ARHGAP28: variants seen among roughly 807,000 people sequenced by gnomAD.
ARHGAP28 encodes rho GTPase-activating protein 28.
ARHGAP28 carries 56 observed loss-of-function variants against 90.7 expected under a neutral mutation model. The ratio of observed to expected loss-of-function variants is 0.62; its 90% CI spans 0.50 to 0.77. The LOEUF (loss-of-function observed/expected upper bound fraction) is 0.77, where lower values mean the gene tolerates loss of function less well. ARHGAP28 is among the 30% of genes least tolerant of loss of function. The probability of loss-of-function intolerance (pLI) is 0.00; values close to 1 mark genes in which losing one functional copy is unlikely to be tolerated. For missense variants in ARHGAP28, 869 were observed against 900.9 expected (o/e 0.96, Z 0.45); for synonymous variants, 308 against 323.3 (o/e 0.95, Z 0.51).
At chr18:6,759,876 G>T (rs1337036462) in intron 1 of ARHGAP28, among the ~76,000 whole-genome samples, 5 of 152,126 alleles carry the variant, frequency 3.3e-5, no homozygotes, top group Admixed American at 6.6e-5. Flanking sequence ...TTTTCAGAAG[G>T]CACTTCATTT....
At chr18:6,861,355 T>C (rs537359253) in intron 5 of ARHGAP28, among the ~76,000 whole-genome samples, 3 of 152,226 alleles carry the variant, frequency 2.0e-5, no homozygotes, top group Non-Finnish European at 4.4e-5. Flanking sequence ...ATTGTTATCT[T>C]CTGTACTGCT....
Position 6,889,957 on chromosome 18 carries a change from T to G in ARHGAP28, c.1606T>G (p.Ser536Ala). 1 of 1,614,214 alleles carries G rather than the reference T, an allele frequency of 6.2e-7. No homozygotes were observed. The highest frequency in any genetic ancestry group is 1.3e-5 in the African/African-American group (1 of 75,062). ...AAACCGAATGAGTCTGTGGAACATT[T>G]CTACAGTGATGGCACCAAACCTTTT... ...SKNRMSLWNI[S>A]TVMAPNLFFS... is the part of the protein sequence containing the mutation. The change falls in exon 13 of 18, where the codon TCT becomes GCT. Residue 536 changes from serine (S) to alanine (A), a missense_variant. Transcript: ENST00000383472.
chr18:6,912,422 A>T lies in ARHGAP28; in HGVS notation c.*268A>T, dbSNP rs1308247495. 3 of 235,804 alleles carry T rather than the reference A, an allele frequency of 1.3e-5. No homozygotes were observed. The highest frequency in any genetic ancestry group is 6.7e-5 in the African/African-American group (3 of 44,614). The allele number at this position is 235,804 out of a possible 1,614,324, so 14.6% of individuals were successfully genotyped here. A position where few individuals can be genotyped will look rare whatever the true frequency, so the allele number is the denominator to read the frequency against. ...AAGAAAGACCAATCTAGAATATGGA[A>T]CTCTAATCACTTCTAGTATTTCAAC... On this transcript the variant is annotated 3_prime_UTR_variant, in exon 18 of 18. Transcript: ENST00000383472.
chr18:6,885,802 G>GTTTT (rs11415807), intron 11 of ARHGAP28, among the ~76,000 whole-genome samples: 2 of 141,712 alleles, frequency 1.4e-5, no homozygotes, highest in African/African-American at 5.2e-5. Flanking sequence ...CCCCAGAGTT[G>GTTTT]TTTTTTTTTT....
chr18:6,756,569 C>G (rs2056111672), intron 1 of ARHGAP28, among the ~76,000 whole-genome samples: 1 of 152,030 alleles, frequency 6.6e-6, no homozygotes, highest in Admixed American at 6.6e-5. Flanking sequence ...GGTGTATAGT[C>G]AGGGTTTTCT....
intron 1 of ARHGAP28, among the ~76,000 whole-genome samples, chr18:6,783,506 G>A (rs1280474628): frequency 6.9e-6 from 1 of 143,910 alleles, no homozygotes; most frequent in Non-Finnish European, 1.5e-5. Context: ...TCTCCATGTT[G>A]GTCAGGCTGG....
At chr18:6,757,255 A>G (rs2056118880) in intron 1 of ARHGAP28, among the ~76,000 whole-genome samples, 1 of 152,242 alleles carries the variant, frequency 6.6e-6, no homozygotes, top group African/African-American at 2.4e-5. Flanking sequence ...CACATGGTGA[A>G]GTTTGGAAAA....
intron 1 of ARHGAP28, among the ~76,000 whole-genome samples, chr18:6,823,625 T>C (rs1393873413): frequency 2.6e-5 from 4 of 151,420 alleles, no homozygotes; most frequent in African/African-American, 9.7e-5. Flanking sequence ...TTTTTTGGCT[T>C]TAAGAACATT....
intron 16 of ARHGAP28, among the ~76,000 whole-genome samples, chr18:6,906,092 A>G (rs1405293576): frequency 1.3e-5 from 2 of 152,148 alleles, no homozygotes; most frequent in African/African-American, 2.4e-5. Context: ...AAATATATTG[A>G]AAAAGAAAAA....
At chr18:6,765,739 A>G (rs1260887022) in intron 1 of ARHGAP28, among the ~76,000 whole-genome samples, 2 of 152,182 alleles carry the variant, frequency 1.3e-5, no homozygotes, top group African/African-American at 4.8e-5. Context: ...CTATTTTAAT[A>G]TAACCATTTA....
chr18:6,880,397 G>A (rs2057167855), intron 10 of ARHGAP28, among the ~76,000 whole-genome samples: 1 of 152,054 alleles, frequency 6.6e-6, no homozygotes, highest in Non-Finnish European at 1.5e-5. Context: ...TCATAACTGG[G>A]TTCTTTGCCT....
In ARHGAP28 at chr18:6,896,607, A is replaced by G. The variant is rs2057306703; in HGVS notation, c.2011A>G (p.Lys671Glu). 1.2e-6 allele frequency: 2 copies of G among 1,614,120 alleles called. No individual in the cohort carries two copies. Among genetic ancestry groups the G allele is most frequent in the Non-Finnish European group, 1.7e-6 (2 of 1,179,986 alleles). The change falls in exon 16 of 18, where the codon AAA (lysine) becomes GAA (glutamate). Residue 671 changes from lysine to glutamate, a missense_variant. By Grantham distance (56) the Lys-to-Glu change is moderately conservative (BLOSUM62 1). Transcript: ENST00000383472. ...NQTKAKDILAKFQYENSHGSS... is the reference protein window; with the variant it reads ...NQTKAKDILAEFQYENSHGSS... The stretch of plus-strand genomic sequence containing the variant: ...AACCAAAGCCAAAGACATATTGGCA[A>G]AATTTCAATATGAAAACAGGTGAGT...
intron 5 of ARHGAP28, among the ~76,000 whole-genome samples, chr18:6,861,958 TG>T (rs2057002039): frequency 6.6e-6 from 1 of 152,184 alleles, no homozygotes; most frequent in Non-Finnish European, 1.5e-5. Context: ...ATTTTCATTT[TG>T]TTTTTTTCTG....
chr18:6,866,915 G>A (rs1201586635), intron 5 of ARHGAP28, among the ~76,000 whole-genome samples: 2 of 152,184 alleles, frequency 1.3e-5, no homozygotes, highest in African/African-American at 4.8e-5. Flanking sequence ...TTCAAAGTCT[G>A]ACAAAGCATT....
At chr18:6,874,632 A>G (rs1220868193) in intron 9 of ARHGAP28, 1 of 152,182 alleles carries the variant, frequency 6.6e-6, no homozygotes, top group Admixed American at 6.5e-5. Flanking sequence ...GACACTGATA[A>G]TCATACATCA....
rs1264012405 is a variant in ARHGAP28 at position 6,876,111 on chromosome 18, A to G, written c.1213-20A>G. 9.5e-6 allele frequency: 15 copies of G among 1,582,432 alleles called. No individual in the cohort carries two copies. The highest frequency in any genetic ancestry group is 1.7e-5 in the Admixed American group (1 of 59,956). Reference sequence around the variant, plus strand: ...ATCATATAGAGGTACTTATTCTGGTAATATATCATTGCTTTCTAGTTTTTT... The same window carrying G: ...ATCATATAGAGGTACTTATTCTGGTGATATATCATTGCTTTCTAGTTTTTT... On this transcript the variant is annotated intron_variant, in intron 9 of 17. Transcript: ENST00000383472.
chr18:6,858,596 C>G (rs1480169783), intron 4 of ARHGAP28, among the ~76,000 whole-genome samples: 1 of 150,854 alleles, frequency 6.6e-6, no homozygotes, highest in African/African-American at 2.4e-5. Context: ...CAGTTTGGAG[C>G]GCAATGGCAC....
chr18:6,846,586 T>C (rs1313392069), intron 3 of ARHGAP28, among the ~76,000 whole-genome samples: 2 of 152,184 alleles, frequency 1.3e-5, no homozygotes, highest in African/African-American at 4.8e-5. Context: ...TTCCGAAGTG[T>C]GCTAACACCT....
intron 17 of ARHGAP28, among the ~76,000 whole-genome samples, chr18:6,910,536 G>A (rs72892904): frequency 2.0e-5 from 3 of 151,884 alleles, no homozygotes; most frequent in Non-Finnish European, 2.9e-5. Flanking sequence ...CCCCCAGACA[G>A]CCTCACTTCT....
Sources: allele counts gnomAD v4.1 joint callset (sites outside exome capture counted in the v4.1 genomes callset), GRCh38; gene constraint gnomAD v4.1.1; transcripts MANE v1.5; gene names NCBI Gene and HGNC (gene_info 2026-07-23, HGNC 2026-07-21).